Variants in AUTS2 observed in about 807,000 individuals in gnomAD.
The protein encoded by AUTS2 is activator of transcription and developmental regulator AUTS2.
AUTS2 carries 17 observed loss-of-function variants against 112.4 expected under a neutral mutation model. The observed-to-expected ratio is 0.15, with a 90% CI of 0.10 to 0.23. The LOEUF (loss-of-function observed/expected upper bound fraction) is 0.23. AUTS2 is among the 10% of genes least tolerant of loss of function. The probability of loss-of-function intolerance (pLI) is 1.00; values close to 1 mark genes in which losing one functional copy is unlikely to be tolerated. For missense variants in AUTS2, 1,510 were observed against 1,701.6 expected (o/e 0.89, Z 1.98); for synonymous variants, 751 against 702.7 (o/e 1.07, Z -1.09).
intron 5 of AUTS2, among the ~76,000 whole-genome samples, chr7:70,467,188 T>TA (rs1797199120): frequency 6.6e-6 from 1 of 152,140 alleles, no homozygotes; most frequent in Non-Finnish European, 1.5e-5. Flanking sequence ...GCACAAGGCA[T>TA]AAAAAGGGTG....
At chr7:69,813,374 CAG>C (rs1790627164) in intron 1 of AUTS2, among the ~76,000 whole-genome samples, 1 of 152,096 alleles carries the variant, frequency 6.6e-6, no homozygotes, top group Non-Finnish European at 1.5e-5. Flanking sequence ...AAGCATTGCC[CAG>C]AGATTCTAGC....
chr7:70,610,887 C>A (rs1424924180), intron 5 of AUTS2, among the ~76,000 whole-genome samples: 1 of 151,300 alleles, frequency 6.6e-6, no homozygotes, highest in Admixed American at 6.6e-5. Flanking sequence ...TGGATATTAA[C>A]CCCTTATCAG....
chr7:70,526,784 G>C (rs930925876), intron 5 of AUTS2, among the ~76,000 whole-genome samples: 1 of 152,180 alleles, frequency 6.6e-6, no homozygotes, highest in Non-Finnish European at 1.5e-5. Flanking sequence ...ACCTCCATCT[G>C]CCTTATGTGT....
At chr7:70,455,799 A>T (rs116663191) in intron 5 of AUTS2, among the ~76,000 whole-genome samples, 2,260 of 152,250 alleles carry the variant, frequency 0.015, 59 homozygotes, top group African/African-American at 0.052. Context: ...CAATTAAAAA[A>T]AAGAAGTTTC....
intron 5 of AUTS2, among the ~76,000 whole-genome samples, chr7:70,580,284 C>T (rs998226716): frequency 1.4e-4 from 22 of 152,192 alleles, no homozygotes; most frequent in South Asian, 8.3e-4. Flanking sequence ...TGCGCTGTAG[C>T]GTGGCTGCCT....
chr7:70,418,334 C>T (rs561866073), intron 4 of AUTS2, among the ~76,000 whole-genome samples: 4 of 152,206 alleles, frequency 2.6e-5, no homozygotes, highest in African/African-American at 9.6e-5. Flanking sequence ...TGGCTGAGAA[C>T]TATGTTAAAT....
intron 6 of AUTS2, among the ~76,000 whole-genome samples, chr7:70,741,209 A>G (rs767860601): frequency 1.3e-5 from 2 of 152,066 alleles, no homozygotes; most frequent in Non-Finnish European, 2.9e-5. Context: ...CCCTAATTTT[A>G]TAGTCAGTTC....
intron 4 of AUTS2, among the ~76,000 whole-genome samples, chr7:70,212,375 ACTCATCCCTCTGTCAG>A (rs976537602): frequency 1.1e-3 from 169 of 152,246 alleles, no homozygotes; most frequent in African/African-American, 4.0e-3. Context: ...CATAGTTGGG[ACTCATCCCTCTGTCAG>A]AATCCTTTGC....
chr7:70,572,984 G>T (rs1167316699), intron 5 of AUTS2, among the ~76,000 whole-genome samples: 17 of 152,220 alleles, frequency 1.1e-4, no homozygotes, highest in Admixed American at 2.6e-4. Context: ...AAGGTTGACT[G>T]TGAACATTTA....
chr7:70,288,436 C>G (rs1307050209), intron 4 of AUTS2, among the ~76,000 whole-genome samples: 1 of 152,094 alleles, frequency 6.6e-6, no homozygotes, highest in Admixed American at 6.6e-5. Context: ...AAAGGTTTCC[C>G]CTTAGTAAAG....
chr7:70,510,798 A>G (rs769554751), intron 5 of AUTS2, among the ~76,000 whole-genome samples: 65 of 152,110 alleles, frequency 4.3e-4, no homozygotes, highest in Admixed American at 2.2e-3. Context: ...TTTTTAAATG[A>G]ATAAACATTT....
At chr7:70,781,000 C>G (rs1184330035) in intron 14 of AUTS2, among the ~76,000 whole-genome samples, 1 of 152,132 alleles carries the variant, frequency 6.6e-6, no homozygotes, top group Non-Finnish European at 1.5e-5. Flanking sequence ...AAACACTGAA[C>G]TACTTTGGGA....
intron 1 of AUTS2, among the ~76,000 whole-genome samples, chr7:69,798,589 T>C (rs969269553): frequency 2.0e-5 from 3 of 152,182 alleles, no homozygotes; most frequent in African/African-American, 7.2e-5. Flanking sequence ...AATGAAGTTA[T>C]AAAATATATG....
intron 2 of AUTS2, among the ~76,000 whole-genome samples, chr7:70,043,904 C>T (rs190963555): frequency 2.0e-5 from 3 of 152,062 alleles, no homozygotes; most frequent in East Asian, 1.9e-4. Context: ...CCACTGGGCC[C>T]GGCCTCCCCT....
chr7:70,297,005 CTTTTTTTTT>C (rs556668116), intron 4 of AUTS2, among the ~76,000 whole-genome samples: 2 of 118,216 alleles, frequency 1.7e-5, no homozygotes, highest in Admixed American at 1.7e-4. Context: ...TAATGCCTGA[CTTTTTTTTT>C]TTTTTTTTTT....
intron 1 of AUTS2, among the ~76,000 whole-genome samples, chr7:69,643,751 C>T (rs765409976): frequency 1.2e-4 from 19 of 152,106 alleles, no homozygotes; most frequent in Non-Finnish European, 2.5e-4. Flanking sequence ...AAGAAGCTCC[C>T]TGATATTGAG....
intron 4 of AUTS2, among the ~76,000 whole-genome samples, chr7:70,182,428 A>C (rs1809367465): frequency 6.6e-6 from 1 of 152,194 alleles, no homozygotes; most frequent in Non-Finnish European, 1.5e-5. Flanking sequence ...CTAAGTGTTT[A>C]TTGCAGATAG....
intron 5 of AUTS2, among the ~76,000 whole-genome samples, chr7:70,684,048 G>A (rs1248521748): frequency 1.3e-5 from 2 of 151,582 alleles, no homozygotes; most frequent in East Asian, 1.9e-4. Flanking sequence ...CCCCAAACCA[G>A]TAGAAGCAAA....
intron 4 of AUTS2, among the ~76,000 whole-genome samples, chr7:70,309,238 G>T (rs1306742674): frequency 6.6e-6 from 1 of 152,072 alleles, no homozygotes; most frequent in Non-Finnish European, 1.5e-5. Flanking sequence ...TTTACACATA[G>T]CCTTGGAAAA....
Sources: gnomAD v4.1 joint callset for allele counts (sites outside exome capture counted in the v4.1 genomes callset) on GRCh38, gnomAD v4.1.1 for gene constraint, MANE v1.5 for transcripts, NCBI Gene and HGNC (gene_info 2026-07-23, HGNC 2026-07-21) for gene names.